The following SHARPIN variants were observed in gnomAD, a reference collection of about 807,000 sequenced individuals.
SHARPIN encodes the protein SHANK associated RH domain interactor, also known as hSIPL1.
In SHARPIN, 25 loss-of-function variants were observed where a neutral mutation model predicts 40.3. The observed-to-expected ratio is 0.62, with a 90% CI of 0.45 to 0.87. The LOEUF (loss-of-function observed/expected upper bound fraction) is 0.87, where lower values mean the gene tolerates loss of function less well. SHARPIN is among the 40% of genes least tolerant of loss of function. The probability of loss-of-function intolerance (pLI) is 0.00; values close to 1 mark genes in which losing one functional copy is unlikely to be tolerated. For missense variants in SHARPIN, 551 were observed against 516.1 expected, an observed-to-expected ratio of 1.07 and a Z score of -0.66; for synonymous variants, 274 against 221.8, an observed-to-expected ratio of 1.24 and a Z score of -2.09.
intron 2 of SHARPIN, among the ~76,000 whole-genome samples, chr8:144,102,270 A>G (rs4977171): frequency 1.7e-5 from 2 of 115,364 alleles, no homozygotes; most frequent in Non-Finnish European, 3.4e-5. Context: ...AGCTAATTCC[A>G]TCTTCTTTTT....
At position 144,103,169 on chromosome 8, in the gene SHARPIN, C is replaced by T; in HGVS notation, c.258G>A (p.Gln86=). The change falls in exon 2 of 9, where the codon CAG becomes CAA. Residue 86 remains glutamine, a synonymous_variant. Coordinates refer to ENST00000398712, the MANE Select transcript of SHARPIN (RefSeq NM_030974.4). ...CTCCTGGTGGAGGCTGTAGCTCGTG[C>T]TGGGTGGGGCCTCGGATGGTGTAGG... ...SVSYTIRGPT[Q]HELQPPPGGP... is the part of the protein sequence containing the mutation. 1 of 1,613,572 alleles carries T rather than the reference C, an allele frequency of 6.2e-7. No individual in the cohort carries two copies. The highest frequency in any genetic ancestry group is 8.5e-7 in the Non-Finnish European group (1 of 1,179,944).
In SHARPIN at chr8:144,103,713, T is replaced by C; in HGVS notation, c.41A>G (p.Asp14Gly). ...PAGGAAAAASDLGSAAVLLAV... is the reference protein window; with the variant it reads ...PAGGAAAAASGLGSAAVLLAV... ...CAAGAGCACTGCGGCGGAGCCCAAG[T>C]CCGAGGCCGCCGCCGCCGCCCCGCC... The change falls in exon 1 of 9, where the codon GAC becomes GGC. Residue 14 changes from aspartate to glycine, a missense_variant. By Grantham distance (94) the Asp-to-Gly change is moderately conservative. Transcript: ENST00000398712. 2 of 1,414,128 alleles carry C rather than the reference T, an allele frequency of 1.4e-6. No individual in the cohort carries two copies. The highest frequency in any genetic ancestry group is 1.8e-6 in the Non-Finnish European group (2 of 1,090,542). 87.6% of individuals were successfully genotyped at this position (1,414,128 alleles called of 1,614,324 possible). A position where few individuals can be genotyped will look rare whatever the true frequency, so the allele number is the denominator to read the frequency against.
intron 2 of SHARPIN, among the ~76,000 whole-genome samples, chr8:144,101,295 G>A (rs913945175): frequency 6.6e-6 from 1 of 151,406 alleles, no homozygotes; most frequent in Non-Finnish European, 1.5e-5. Context: ...GGAGTGCAGT[G>A]GCACGATCAC....
In SHARPIN at chr8:144,099,570, G is replaced by C. The variant is rs748567191; in HGVS notation, c.708C>G (p.Ser236=). ...GGACCTGCAGGGCAACGTGTGCAGA[G>C]GACGCGGCGGATGCGGCAGAGGCAG... The part of the protein sequence containing the change: ...EDAASAASAA[S]SAHVALQVHP... The change falls in exon 5 of 9, where the codon TCC becomes TCG. Residue 236 remains serine (S), a synonymous_variant. Coordinates refer to ENST00000398712, the MANE Select transcript of SHARPIN (RefSeq NM_030974.4). 5.0e-6 allele frequency: 8 copies of C among 1,614,132 alleles called. No homozygotes were observed. The South Asian group carries it at 8.8e-5, about 18-fold the overall frequency.
intron 2 of SHARPIN, among the ~76,000 whole-genome samples, chr8:144,100,439 T>A (rs1836266211): frequency 6.6e-6 from 1 of 152,162 alleles, no homozygotes; most frequent in African/African-American, 2.4e-5. Flanking sequence ...CTTGGGGACC[T>A]CCCCTCTCCG....
chr8:144,099,867 C>T lies in SHARPIN; in HGVS notation c.518-23G>A, dbSNP rs775123568. ...CTTCTGCAGGGTAAGGAAAGGACAG[C>T]TGTCACCACTGGGGACTATCTGCTA... On this transcript the variant is annotated intron_variant, in intron 3 of 8. Transcript: ENST00000398712. 6 of 1,611,618 alleles carry T rather than the reference C, an allele frequency of 3.7e-6. No homozygotes were observed. In the Admixed American group the frequency reaches 6.7e-5, roughly 18 times the overall value.
In SHARPIN at chr8:144,100,111, C is replaced by G. The variant is rs770036763; in HGVS notation, c.377-42G>C. ...GGTGTGCTGTGCTGTGGCCTCTGTC[C>G]AGGCCTCTAGGCCCTTGGTTTTCCA... On this transcript the variant is annotated intron_variant, in intron 2 of 8. Coordinates refer to ENST00000398712, the MANE Select transcript of SHARPIN (RefSeq NM_030974.4). The G allele has an allele frequency of 5.9e-6, 9 of 1,526,486 alleles. No homozygotes were observed. In the South Asian group the frequency reaches 1.2e-4, roughly 20 times the overall value. The allele number at this position is 1,526,486 out of a possible 1,614,324, so 94.6% of individuals were successfully genotyped here.
In SHARPIN at chr8:144,103,607, G is replaced by A; in HGVS notation, c.147C>T (p.Asp49=). 3 of 1,530,372 alleles carry A rather than the reference G, an allele frequency of 2.0e-6. No homozygotes were observed. The highest frequency in any genetic ancestry group is 2.6e-6 in the Non-Finnish European group (3 of 1,144,832). The allele number at this position is 1,530,372 out of a possible 1,614,324, so 94.8% of individuals were successfully genotyped here. A position where few individuals can be genotyped will look rare whatever the true frequency, so the allele number is the denominator to read the frequency against. ...AQLRRLQLSA[D]PERPGRFRLE... ...GCCGGAAGCGCCCAGGCCGCTCAGG[G>A]TCCGCGCTCAGCTGCAGCCTCCGCA... Residue 49 remains aspartate, a synonymous_variant, in exon 1 of 9, where the codon GAC becomes GAT. Transcript: ENST00000398712.
chr8:144,098,857 C>G lies in SHARPIN; in HGVS notation c.*12+9G>C, dbSNP rs1199714245. On this transcript the variant is annotated intron_variant, in intron 8 of 8. Coordinates refer to ENST00000398712, the MANE Select transcript of SHARPIN (RefSeq NM_030974.4). ...CCCCCACCTCCCCTGCCTGTGCCACCTCTGGTACCTCTGGTGGCTGCTAGG... is the reference window on the plus strand; with the variant it reads ...CCCCCACCTCCCCTGCCTGTGCCACGTCTGGTACCTCTGGTGGCTGCTAGG... 1.9e-6 allele frequency: 3 copies of G among 1,561,674 alleles called. No individual in the cohort carries two copies. The highest frequency in any genetic ancestry group is 1.7e-6 in the Non-Finnish European group (2 of 1,155,516).
Position 144,098,955 on chromosome 8 carries a change from G to C in SHARPIN, c.1087C>G (p.Pro363Ala). 1 of 1,596,192 alleles carries C rather than the reference G, an allele frequency of 6.3e-7. No homozygotes were observed. The highest frequency in any genetic ancestry group is 8.5e-7 in the Non-Finnish European group (1 of 1,175,278). The part of the protein sequence containing the change: ...SCPSCTFINA[P>A]DRPGCEMCST... ...CACATCTCACAGCCAGGGCGGTCTG[G>C]GGCATTGATGAAGGTGCAGGAAGGA... is the stretch of plus-strand genomic sequence containing the variant. The change falls in exon 8 of 9, where the codon CCA becomes GCA. Residue 363 changes from proline (P) to alanine (A), a missense_variant. Coordinates refer to ENST00000398712, the MANE Select transcript of SHARPIN (RefSeq NM_030974.4).
intron 3 of SHARPIN, 36 bp downstream of exon 3, chr8:144,099,893 T>TGGCCCCCCCCCCCCCCCCCCCCCCCCCC: frequency 1.3e-6 from 2 of 1,550,940 alleles, no homozygotes; most frequent in Non-Finnish European, 1.8e-6. Context: ...CTATCTGCTA[T>TGGCCCCCCCCCCCCCCCCCCCCCCCCCC]CCCCGAACCC....
intron 1 of SHARPIN, 28 bp from the exon 2 acceptor site, chr8:144,103,253 G>A (rs761564851): frequency 1.3e-6 from 2 of 1,573,852 alleles, no homozygotes; most frequent in Non-Finnish European, 1.7e-6. Flanking sequence ...CCAGGCTCAG[G>A]GCGTCCCCCC....
intron 2 of SHARPIN, chr8:144,100,845 T>TC (rs1489173119): frequency 6.6e-6 from 1 of 151,706 alleles, no homozygotes; most frequent in Non-Finnish European, 1.5e-5. Context: ...CACCACTTTT[T>TC]TTTTTTTTTG....
rs1341159794 is a variant in SHARPIN at position 144,099,538 on chromosome 8, T to C, written c.740A>G (p.His247Arg). The C allele has an allele frequency of 6.2e-7, 1 of 1,613,862 alleles. No homozygotes were observed. Among genetic ancestry groups the C allele is most frequent in the Non-Finnish European group, 8.5e-7 (1 of 1,179,946 alleles). Residue 247 changes from histidine to arginine, a missense_variant, in exon 5 of 9, where the codon CAC (histidine) becomes CGC (arginine). By Grantham distance (29) the His-to-Arg change is conservative. Coordinates refer to ENST00000398712, the MANE Select transcript of SHARPIN (RefSeq NM_030974.4). ...SAHVALQVHP[H>R]CTVAALQEQV... ...CTCCTGGAGAGCTGCAACAGTGCAG[T>C]GGGGGTGGACCTGCAGGGCAACGTG...
In SHARPIN at chr8:144,103,054, T is replaced by G. The variant is rs200449373; in HGVS notation, c.373A>C (p.Asn125His). Residue 125 changes from asparagine (N) to histidine (H), a missense_variant, in exon 2 of 9, where the codon AAT becomes CAT. Physicochemically the swap from Asn to His is moderately conservative, Grantham distance 68. Coordinates refer to ENST00000398712, the MANE Select transcript of SHARPIN (RefSeq NM_030974.4). ...LVRGATVEGQNGSKSNSPPAL... is the reference protein window; with the variant it reads ...LVRGATVEGQHGSKSNSPPAL... Reference sequence around the variant, plus strand: ...GTATCCATTACAGGGCACTGACCATTCTGTCCTTCCACGGTGGCACCTCGG... The same window carrying G: ...GTATCCATTACAGGGCACTGACCATGCTGTCCTTCCACGGTGGCACCTCGG... 499 of 1,613,106 alleles carry G rather than the reference T, an allele frequency of 3.1e-4. 9 individuals carry two copies. In the South Asian group the frequency reaches 5.2e-3, roughly 17 times the overall value.
Position 144,098,723 on chromosome 8 carries a change from C to T in SHARPIN, c.*78G>A. The T allele has an allele frequency of 1.7e-6, 1 of 573,326 alleles. No individual in the cohort carries two copies. The highest frequency in any genetic ancestry group is 3.0e-6 in the Non-Finnish European group (1 of 334,238). 35.5% of individuals were successfully genotyped at this position (573,326 alleles called of 1,614,324 possible). On this transcript the variant is annotated 3_prime_UTR_variant, in exon 9 of 9. Coordinates refer to ENST00000398712, the MANE Select transcript of SHARPIN (RefSeq NM_030974.4). ...TCCCAGCAAGCAGTCAGTAGAGGTCCCCGGAGTTCAGTGGGGGCCTGGAGA... is the reference window on the plus strand; with the variant it reads ...TCCCAGCAAGCAGTCAGTAGAGGTCTCCGGAGTTCAGTGGGGGCCTGGAGA...
rs760608585 is a variant in SHARPIN, at chr8:144,100,045, G to C, written c.401C>G (p.Ala134Gly). The change falls in exon 3 of 9, where the codon GCC (alanine) becomes GGC (glycine). Residue 134 changes from alanine to glycine, a missense_variant. Coordinates refer to ENST00000398712, the MANE Select transcript of SHARPIN (RefSeq NM_030974.4). ...GACAGGGCATGCTTCTGGGCCCAAG[G>C]CTGGTGGTGAGTTGCTCTTGCTGCC... ...QNGSKSNSPPALGPEACPVSL... is the reference protein window; with the variant it reads ...QNGSKSNSPPGLGPEACPVSL... 2 of 1,585,344 alleles carry C rather than the reference G, an allele frequency of 1.3e-6. No individual in the cohort carries two copies. The highest frequency in any genetic ancestry group is 1.7e-6 in the Non-Finnish European group (2 of 1,165,782).
intron 2 of SHARPIN, among the ~76,000 whole-genome samples, chr8:144,101,434 A>G (rs1196398031): frequency 9.4e-5 from 10 of 106,442 alleles, no homozygotes; most frequent in Admixed American, 2.4e-4. Flanking sequence ...TGTGAGATGG[A>G]GTCTCGCTCT....
chr8:144,103,432 C>G (rs1459912890), intron 1 of SHARPIN, 121 bp downstream of exon 1: 1 of 1,187,174 alleles, frequency 8.4e-7, no homozygotes, highest in African/African-American at 1.5e-5. Flanking sequence ...GACGAGAAAA[C>G]AGAAGCAAAG....
Sources: gnomAD v4.1 joint callset for allele counts (sites outside exome capture counted in the v4.1 genomes callset) on GRCh38, gnomAD v4.1.1 for gene constraint, MANE v1.5 for transcripts, NCBI Gene and HGNC (gene_info 2026-07-23, HGNC 2026-07-21) for gene names.